The following PPP4R2 variants were observed in gnomAD, a reference collection of about 807,000 sequenced individuals.
PPP4R2 encodes the protein serine/threonine-protein phosphatase 4 regulatory subunit 2.
PPP4R2 carries 13 observed loss-of-function variants against 47.2 expected under a neutral mutation model. The observed-to-expected ratio is 0.28, with a 90% confidence interval of 0.18 to 0.44. PPP4R2 has a LOEUF of 0.44. Among genes scored for constraint, PPP4R2 ranks in the 20% least tolerant of loss-of-function variants. The pLI is 1.00. For missense variants in PPP4R2, 421 were observed against 491.2 expected, an observed-to-expected ratio of 0.86 and a Z score of 1.35; for synonymous variants, 151 against 163.3, an observed-to-expected ratio of 0.92 and a Z score of 0.57.
At chr3:73,003,725 G>T (rs1286803668) in intron 2 of PPP4R2, among the ~76,000 whole-genome samples, 1 of 151,610 alleles carries the variant, frequency 6.6e-6, no homozygotes, top group African/African-American at 2.4e-5. Flanking sequence ...TTGAGACAGA[G>T]TCTTGCTCTG....
chr3:73,013,838 G>T (rs1488337922), intron 2 of PPP4R2, among the ~76,000 whole-genome samples: 4 of 152,040 alleles, frequency 2.6e-5, no homozygotes, highest in Non-Finnish European at 5.9e-5. Flanking sequence ...ACAGGGTTTT[G>T]CCATGTTGGC....
At chr3:73,028,280 G>A (rs1217192727) in intron 2 of PPP4R2, among the ~76,000 whole-genome samples, 2 of 151,484 alleles carry the variant, frequency 1.3e-5, no homozygotes, top group Non-Finnish European at 2.9e-5. Context: ...AAAAAAGACG[G>A]GGTCTTACTC....
intron 2 of PPP4R2, among the ~76,000 whole-genome samples, chr3:73,030,672 G>GTGCCTACAT (rs1702150250): frequency 6.6e-6 from 1 of 150,970 alleles, no homozygotes; most frequent in Admixed American, 6.6e-5. Flanking sequence ...AACTATATCT[G>GTGCCTACAT]AGGGAGTGAT....
At chr3:73,062,540 T>G (rs1702886675) in intron 5 of PPP4R2, 3 of 1,613,970 alleles carry the variant, frequency 1.9e-6, no homozygotes, top group Non-Finnish European at 2.5e-6. Flanking sequence ...ATACTGTGGT[T>G]GGGAATGAGA....
At chr3:73,055,060 G>A (rs887655891) in intron 3 of PPP4R2, among the ~76,000 whole-genome samples, 2 of 151,920 alleles carry the variant, frequency 1.3e-5, no homozygotes, top group Admixed American at 6.6e-5. Flanking sequence ...AGATATATAA[G>A]GTAAAATGTG....
intron 2 of PPP4R2, among the ~76,000 whole-genome samples, chr3:73,009,252 G>T (rs986557296): frequency 1.3e-5 from 2 of 152,178 alleles, no homozygotes; most frequent in Non-Finnish European, 2.9e-5. Context: ...TACGAGTGGG[G>T]AATGGGACAT....
intron 2 of PPP4R2, among the ~76,000 whole-genome samples, chr3:73,008,534 T>C (rs761646999): frequency 1.3e-5 from 2 of 152,184 alleles, no homozygotes; most frequent in Non-Finnish European, 2.9e-5. Flanking sequence ...AGTTAGCATG[T>C]GGTGATGGCG....
At chr3:73,045,486 C>G (rs1559561929) in intron 2 of PPP4R2, among the ~76,000 whole-genome samples, 1 of 148,544 alleles carries the variant, frequency 6.7e-6, no homozygotes, top group African/African-American at 2.5e-5. Flanking sequence ...GACAGGTTCA[C>G]TTTATTTATT....
intron 2 of PPP4R2, among the ~76,000 whole-genome samples, chr3:73,034,332 A>G (rs745538846): frequency 2.0e-5 from 3 of 152,072 alleles, no homozygotes; most frequent in Non-Finnish European, 2.9e-5. Context: ...CTCCAAATCT[A>G]TAGTTTTTGT....
intron 2 of PPP4R2, among the ~76,000 whole-genome samples, chr3:73,020,625 G>T (rs1453064312): frequency 2.0e-5 from 3 of 146,374 alleles, no homozygotes; most frequent in Non-Finnish European, 4.5e-5. Flanking sequence ...GGCCAAGATG[G>T]CACCACTGCA....
At chr3:73,013,086 TGTTAA>T (rs1409019588) in intron 2 of PPP4R2, among the ~76,000 whole-genome samples, 5 of 152,224 alleles carry the variant, frequency 3.3e-5, no homozygotes, top group Non-Finnish European at 5.9e-5. Flanking sequence ...GATGATACCT[TGTTAA>T]GTTGTCATTC....
At chr3:72,998,025 T>G (rs1701385901) in intron 1 of PPP4R2, 52 bp from the exon 2 acceptor site, 1 of 1,321,238 alleles carries the variant, frequency 7.6e-7, no homozygotes, top group Non-Finnish European at 1.1e-6. Flanking sequence ...AAGTTTGTTT[T>G]TAGAGCGCTT....
intron 3 of PPP4R2, among the ~76,000 whole-genome samples, chr3:73,058,437 A>G (rs1271133111): frequency 1.3e-5 from 2 of 151,874 alleles, no homozygotes; most frequent in Non-Finnish European, 2.9e-5. Context: ...AGGATTTAGA[A>G]TTTTCTATTA....
chr3:73,025,049 G>A (rs1702036079), intron 2 of PPP4R2, among the ~76,000 whole-genome samples: 2 of 152,106 alleles, frequency 1.3e-5, no homozygotes. Flanking sequence ...ATTTTTGGAG[G>A]AAAATAATCT....
At chr3:73,044,490 G>A (rs1212142374) in intron 2 of PPP4R2, among the ~76,000 whole-genome samples, 3 of 152,160 alleles carry the variant, frequency 2.0e-5, no homozygotes, top group Non-Finnish European at 4.4e-5. Context: ...GGAGGCTGAA[G>A]CAGGAGAATT....
At position 73,065,156 on chromosome 3, in the gene PPP4R2, T is replaced by A. The variant is rs767045203; in HGVS notation, c.928+15T>A. The A allele has an allele frequency of 6.3e-7, 1 of 1,583,592 alleles. No homozygotes were observed. The highest frequency in any genetic ancestry group is 8.6e-7 in the Non-Finnish European group (1 of 1,167,462). The stretch of plus-strand genomic sequence containing the variant: ...GGAAGAAGAAGGTATTTAGAGACCA[T>A]CTGTAAAAGGGTGGAGTAAGGAGAT... On this transcript the variant is annotated intron_variant, in intron 8 of 8. Coordinates refer to ENST00000356692, the MANE Select transcript of PPP4R2 (RefSeq NM_174907.4).
intron 2 of PPP4R2, among the ~76,000 whole-genome samples, chr3:73,022,768 C>CT (rs72246096): frequency 0.022 from 2,989 of 136,958 alleles, 100 homozygotes; most frequent in African/African-American, 0.071. Flanking sequence ...TGCCGCATTT[C>CT]TTTTTTTTTT....
rs376460777 is a variant in PPP4R2 at position 73,064,835 on chromosome 3, T to A, written c.639-17T>A. On this transcript the variant is annotated splice_polypyrimidine_tract_variant and intron_variant, in intron 7 of 8. Transcript: ENST00000356692. ...GAAAATAATCTTATTAATGACACTT[T>A]AAAAAAACATTTACAGTGACTCTTC... is the stretch of plus-strand genomic sequence containing the variant. 525 of 1,560,672 alleles carry A rather than the reference T, an allele frequency of 3.4e-4. 2 individuals carry two copies. Among genetic ancestry groups the A allele is most frequent in the Non-Finnish European group, 7.8e-5 (90 of 1,158,308 alleles).
intron 2 of PPP4R2, among the ~76,000 whole-genome samples, chr3:73,007,973 C>T (rs1403168906): frequency 6.6e-6 from 1 of 151,674 alleles, no homozygotes; most frequent in East Asian, 1.9e-4. Flanking sequence ...GTTTTTTTCC[C>T]TCAAAATTTT....
Sources: gnomAD v4.1 joint callset for allele counts (sites outside exome capture counted in the v4.1 genomes callset) on GRCh38, gnomAD v4.1.1 for gene constraint, MANE v1.5 for transcripts, NCBI Gene and HGNC (gene_info 2026-07-23, HGNC 2026-07-21) for gene names.